RBFOX1: variants seen among roughly 807,000 people sequenced by gnomAD.
RBFOX1 encodes RNA binding protein fox-1 homolog 1.
RBFOX1 carries 8 observed loss-of-function variants against 57.7 expected under a neutral mutation model. The observed-to-expected ratio is 0.14, with a 90% CI of 0.08 to 0.25. The LOEUF (loss-of-function observed/expected upper bound fraction) is 0.25. Ranked by LOEUF, RBFOX1 falls within the 10% of genes least tolerant of loss-of-function variation. The pLI, the probability that RBFOX1 is intolerant of heterozygous loss-of-function variation, is 1.00. For synonymous variants in RBFOX1, 326 were observed against 222.4 expected (o/e 1.47, Z -4.15); for missense variants, 611 against 548.5 (o/e 1.11, Z -1.14).
chr16:7,705,293 T>A (rs903395554), intron 14 of RBFOX1, among the ~76,000 whole-genome samples: 4 of 151,918 alleles, frequency 2.6e-5, no homozygotes, highest in Non-Finnish European at 5.9e-5. Flanking sequence ...GATCACGAGG[T>A]CAGGAGATCA....
intron 4 of RBFOX1, among the ~76,000 whole-genome samples, chr16:7,055,812 G>T (rs1022949023): frequency 3.3e-5 from 5 of 152,164 alleles, no homozygotes; most frequent in African/African-American, 1.2e-4. Flanking sequence ...TGCTACAAAA[G>T]GAATTCACAG....
intron 5 of RBFOX1, among the ~76,000 whole-genome samples, chr16:7,562,250 G>T (rs2090555410): frequency 6.6e-6 from 1 of 152,178 alleles, no homozygotes; most frequent in South Asian, 2.1e-4. Context: ...TATAAAAGTG[G>T]AGCCTTGCTG....
At chr16:6,250,376 A>G (rs1372225919) in intron 1 of RBFOX1, among the ~76,000 whole-genome samples, 1 of 152,164 alleles carries the variant, frequency 6.6e-6, no homozygotes, top group East Asian at 1.9e-4. Flanking sequence ...TGACTAGGAA[A>G]GTCACTCCTC....
chr16:7,416,742 C>T (rs530358071), intron 4 of RBFOX1, among the ~76,000 whole-genome samples: 1 of 151,592 alleles, frequency 6.6e-6, no homozygotes, highest in Admixed American at 6.5e-5. Context: ...TTTTTTCTTT[C>T]CACATATATG....
intron 3 of RBFOX1, among the ~76,000 whole-genome samples, chr16:6,812,640 G>C (rs1362242788): frequency 6.6e-6 from 1 of 152,156 alleles, no homozygotes. Flanking sequence ...GCCTACCACA[G>C]TGCTGGGATT....
chr16:7,263,920 TAAAAAAAA>T (rs34267221), intron 4 of RBFOX1, among the ~76,000 whole-genome samples: 1 of 124,860 alleles, frequency 8.0e-6, no homozygotes, highest in African/African-American at 2.9e-5. Flanking sequence ...ATATATAAAT[TAAAAAAAA>T]AAAAAAAACA....
At chr16:7,412,302 C>G (rs1432392024) in intron 4 of RBFOX1, among the ~76,000 whole-genome samples, 7 of 151,774 alleles carry the variant, frequency 4.6e-5, no homozygotes, top group Non-Finnish European at 8.8e-5. Context: ...GTAATCTCAG[C>G]TCCTCATGAG....
intron 14 of RBFOX1, among the ~76,000 whole-genome samples, chr16:7,699,872 T>G (rs1266068601): frequency 2.0e-5 from 3 of 152,140 alleles, no homozygotes; most frequent in African/African-American, 4.8e-5. Flanking sequence ...TTGAAAGAGT[T>G]TGTGTGTCCC....
chr16:7,388,130 T>G (rs1017891653), intron 4 of RBFOX1, among the ~76,000 whole-genome samples: 2 of 152,150 alleles, frequency 1.3e-5, no homozygotes, highest in African/African-American at 4.8e-5. Context: ...TTTATTGTGT[T>G]TGCATAATCG....
chr16:6,464,900 A>G (rs1287701050), intron 2 of RBFOX1, among the ~76,000 whole-genome samples: 5 of 152,262 alleles, frequency 3.3e-5, no homozygotes, highest in Non-Finnish European at 5.9e-5. Context: ...CCTCCAGCAC[A>G]GAGATCCCGG....
chr16:5,296,035 G>A (rs1413273645), intron 1 of RBFOX1, among the ~76,000 whole-genome samples: 2 of 151,636 alleles, frequency 1.3e-5, no homozygotes, highest in African/African-American at 2.4e-5. Context: ...ACTGGTCATC[G>A]GTCTCCTGCC....
intron 4 of RBFOX1, among the ~76,000 whole-genome samples, chr16:7,141,863 C>A (rs1265041080): frequency 3.9e-5 from 6 of 152,130 alleles, no homozygotes; most frequent in African/African-American, 1.4e-4. Context: ...TTCTTCTCAC[C>A]TATTCTCTGC....
intron 4 of RBFOX1, among the ~76,000 whole-genome samples, chr16:7,268,826 C>G (rs1387023572): frequency 6.6e-6 from 1 of 151,830 alleles, no homozygotes; most frequent in Non-Finnish European, 1.5e-5. Context: ...ATCACGAGGT[C>G]AGGAGTTCGA....
chr16:7,121,691 C>T (rs547508078), intron 4 of RBFOX1, among the ~76,000 whole-genome samples: 8 of 151,732 alleles, frequency 5.3e-5, no homozygotes, highest in South Asian at 2.1e-4. Flanking sequence ...TAGCTATAAA[C>T]GTGAAGATTC....
In RBFOX1 at chr16:5,813,290, A is replaced by G. The variant is rs376451342; in HGVS notation, c.319-54013A>G. Reference sequence around the variant, plus strand: ...CAAACCTTTAACCATTTTAAAACATACAATTCAGTGGTGTTAAATGCACCC... The same window carrying G: ...CAAACCTTTAACCATTTTAAAACATGCAATTCAGTGGTGTTAAATGCACCC... On this transcript the variant is annotated intron_variant, in intron 3 of 19. Coordinates refer to the RBFOX1 transcript ENST00000641259. 4.6e-5 allele frequency among the ~76,000 whole-genome samples: 7 copies of G among 152,280 alleles called. No homozygotes were observed. In the East Asian group the frequency reaches 7.7e-4, roughly 17 times the overall value.
At chr16:7,706,704 C>T (rs949718107) in intron 14 of RBFOX1, among the ~76,000 whole-genome samples, 2 of 152,158 alleles carry the variant, frequency 1.3e-5, no homozygotes, top group Non-Finnish European at 2.9e-5. Flanking sequence ...ATTTATGAAA[C>T]AGCTTTGCCA....
intron 4 of RBFOX1, among the ~76,000 whole-genome samples, chr16:7,088,929 C>T (rs932045706): frequency 6.6e-6 from 1 of 152,182 alleles, no homozygotes; most frequent in African/African-American, 2.4e-5. Context: ...TCCCTCCAGT[C>T]CCTGCTCTGG....
intron 1 of RBFOX1, among the ~76,000 whole-genome samples, chr16:6,035,983 C>G (rs1006829133): frequency 7.2e-5 from 11 of 152,186 alleles, no homozygotes; most frequent in African/African-American, 2.4e-4. Flanking sequence ...GAATACTCCT[C>G]TTTCCTGAGG....
intron 3 of RBFOX1, among the ~76,000 whole-genome samples, chr16:6,920,300 A>T (rs2074181861): frequency 6.6e-6 from 1 of 152,152 alleles, no homozygotes; most frequent in South Asian, 2.1e-4. Context: ...CAGTAGTGGG[A>T]TTGCTGGATC....
Sources: allele counts gnomAD v4.1 joint callset (sites outside exome capture counted in the v4.1 genomes callset), GRCh38; gene constraint gnomAD v4.1.1; transcripts MANE v1.5; gene names NCBI Gene and HGNC (gene_info 2026-07-23, HGNC 2026-07-21).